TAFA2: variants seen among roughly 807,000 people sequenced by gnomAD.
The protein encoded by TAFA2 is TAFA chemokine like family member 2.
TAFA2 carries 7 observed loss-of-function variants against 18.8 expected under a neutral mutation model. The ratio of observed to expected loss-of-function variants is 0.37; its 90% CI spans 0.21 to 0.70. The LOEUF is 0.70. TAFA2 is among the 30% of genes least tolerant of loss of function. The probability of loss-of-function intolerance (pLI) is 0.53; values close to 1 mark genes in which losing one functional copy is unlikely to be tolerated. For synonymous variants in TAFA2, 60 were observed against 54.2 expected, an observed-to-expected ratio of 1.11 and a Z score of -0.47; for missense variants, 122 against 158.1, an observed-to-expected ratio of 0.77 and a Z score of 1.23.
intron 4 of TAFA2, among the ~76,000 whole-genome samples, chr12:61,721,826 G>C (rs528699296): frequency 6.6e-6 from 1 of 151,962 alleles, no homozygotes; most frequent in Non-Finnish European, 1.5e-5. Flanking sequence ...GGGTGGTGGC[G>C]GTTGCCTGAT....
At chr12:61,716,918 A>G (rs957793038) in intron 4 of TAFA2, among the ~76,000 whole-genome samples, 2 of 152,206 alleles carry the variant, frequency 1.3e-5, no homozygotes, top group Non-Finnish European at 1.5e-5. Context: ...AATAGGCACA[A>G]TTTCAAACTA....
chr12:61,859,184 G>A (rs540532415), intron 2 of TAFA2, among the ~76,000 whole-genome samples: 4 of 152,190 alleles, frequency 2.6e-5, no homozygotes, highest in African/African-American at 9.7e-5. Flanking sequence ...AGAGAAGCAG[G>A]CACCTTCTTC....
At chr12:61,761,590 T>C (rs1189932980) in intron 2 of TAFA2, among the ~76,000 whole-genome samples, 1 of 152,094 alleles carries the variant, frequency 6.6e-6, no homozygotes, top group East Asian at 1.9e-4. Context: ...TGAATATTTA[T>C]TGTGTGATGA....
chr12:61,721,739 T>C (rs984593752), intron 4 of TAFA2, among the ~76,000 whole-genome samples: 2 of 152,198 alleles, frequency 1.3e-5, no homozygotes, highest in African/African-American at 4.8e-5. Context: ...GTGGATCACC[T>C]GAGGTCAGGA....
intron 1 of TAFA2, among the ~76,000 whole-genome samples, chr12:62,199,451 C>T (rs546236893): frequency 2.3e-5 from 3 of 127,824 alleles, no homozygotes; most frequent in African/African-American, 5.1e-5. Flanking sequence ...TAAATGAGAA[C>T]ATGCGGTGTT....
chr12:61,757,607 T>C lies in TAFA2; in HGVS notation c.107-2583A>G, dbSNP rs534481178. Among the ~76,000 whole-genome samples, 29 of 151,630 alleles carry C rather than the reference T, an allele frequency of 1.9e-4. No individual in the cohort carries two copies. In the South Asian group the frequency reaches 5.8e-3, roughly 31 times the overall value. On this transcript the variant is annotated intron_variant, in intron 2 of 4. Coordinates refer to ENST00000416284, the MANE Select transcript of TAFA2 (RefSeq NM_178539.5). ...CTGAACAAGATTACCACGGAAAAGG[T>C]TTCACCAATAGAAAAAGAAGAAAAA...
intron 1 of TAFA2, among the ~76,000 whole-genome samples, chr12:61,916,301 A>C (rs1426175101): frequency 1.3e-5 from 2 of 152,204 alleles, no homozygotes; most frequent in Admixed American, 1.3e-4. Flanking sequence ...CTGCAAGTTA[A>C]TTAACCTCTC....
chr12:62,144,757 C>T (rs1404346971), intron 1 of TAFA2, among the ~76,000 whole-genome samples: 2 of 152,182 alleles, frequency 1.3e-5, no homozygotes, highest in Admixed American at 6.5e-5. Flanking sequence ...TCATAGGATG[C>T]CACCATCCCA....
intron 1 of TAFA2, among the ~76,000 whole-genome samples, chr12:62,068,027 T>C (rs958012611): frequency 6.6e-6 from 1 of 151,854 alleles, no homozygotes; most frequent in Admixed American, 6.6e-5. Context: ...GATCTTCATG[T>C]CCACAAACTG....
chr12:61,819,778 C>T (rs2121042855), intron 2 of TAFA2, among the ~76,000 whole-genome samples: 1 of 152,196 alleles, frequency 6.6e-6, no homozygotes, highest in South Asian at 2.1e-4. Flanking sequence ...GTTTCCATTT[C>T]ATGAATTGAT....
chr12:61,948,764 A>G (rs1228294672), intron 1 of TAFA2, among the ~76,000 whole-genome samples: 1 of 152,168 alleles, frequency 6.6e-6, no homozygotes, highest in Admixed American at 6.5e-5. Context: ...TAATCCTTAA[A>G]TGATATACAT....
chr12:62,011,576 C>G (rs1043890751), intron 1 of TAFA2, among the ~76,000 whole-genome samples: 9 of 151,930 alleles, frequency 5.9e-5, no homozygotes, highest in Non-Finnish European at 1.3e-4. Flanking sequence ...CATCACCACT[C>G]CCTAATCTCA....
intron 1 of TAFA2, among the ~76,000 whole-genome samples, chr12:61,978,950 G>T (rs539932212): frequency 6.6e-6 from 1 of 151,914 alleles, no homozygotes; most frequent in South Asian, 2.1e-4. Flanking sequence ...ACTTCTGACC[G>T]TCTCCCAATC....
chr12:62,064,166 C>T (rs1208347240), intron 1 of TAFA2, among the ~76,000 whole-genome samples: 1 of 152,040 alleles, frequency 6.6e-6, no homozygotes, highest in Non-Finnish European at 1.5e-5. Context: ...AATTTTACAT[C>T]TGAATCTGAG....
chr12:61,960,612 C>CCCAT (rs1878850480), intron 1 of TAFA2, among the ~76,000 whole-genome samples: 1 of 151,928 alleles, frequency 6.6e-6, no homozygotes, highest in Non-Finnish European at 1.5e-5. Flanking sequence ...GGTTTCCCAT[C>CCCAT]CCATATAAGC....
At chr12:61,722,693 C>T (rs1449928832) in intron 4 of TAFA2, among the ~76,000 whole-genome samples, 2 of 152,052 alleles carry the variant, frequency 1.3e-5, no homozygotes, top group African/African-American at 4.8e-5. Flanking sequence ...TTCATATATA[C>T]CCATTGAACA....
intron 1 of TAFA2, chr12:62,235,376 C>A (rs1178965743): frequency 3.1e-6 from 2 of 645,132 alleles, no homozygotes; most frequent in Non-Finnish European, 5.7e-6. Context: ...AAGAGGTGTG[C>A]ACTCCGGAGC....
intron 2 of TAFA2, among the ~76,000 whole-genome samples, chr12:61,857,030 G>A (rs1246470009): frequency 1.3e-5 from 2 of 151,586 alleles, no homozygotes; most frequent in Non-Finnish European, 2.9e-5. Flanking sequence ...TAGAATTACA[G>A]GTATTTTAAA....
chr12:62,089,468 T>A (rs1167951105), intron 1 of TAFA2, among the ~76,000 whole-genome samples: 1 of 151,946 alleles, frequency 6.6e-6, no homozygotes, highest in Admixed American at 6.6e-5. Flanking sequence ...TTTTTTAAAT[T>A]TCAGTAATTG....
Sources: allele counts gnomAD v4.1 joint callset (sites outside exome capture counted in the v4.1 genomes callset), GRCh38; gene constraint gnomAD v4.1.1; transcripts MANE v1.5; gene names NCBI Gene and HGNC (gene_info 2026-07-23, HGNC 2026-07-21).